Variants in GRID2 observed in about 807,000 individuals in gnomAD.
GRID2 encodes the protein glutamate ionotropic receptor delta type subunit 2.
Under a neutral mutation model 114.8 loss-of-function variants are expected in GRID2, and 33 were observed. The ratio of observed to expected loss-of-function variants is 0.29; its 90% CI spans 0.22 to 0.38. The LOEUF (loss-of-function observed/expected upper bound fraction) is 0.38. Ranked by LOEUF, GRID2 falls within the 10% of genes least tolerant of loss-of-function variation. GRID2 has a pLI of 1.00. For synonymous variants in GRID2, 505 were observed against 449.9 expected (o/e 1.12, Z -1.55); for missense variants, 1,184 against 1,257.7 (o/e 0.94, Z 0.89).
chr4:93,223,242 A>G (rs1579337741), intron 6 of GRID2, among the ~76,000 whole-genome samples: 1 of 152,196 alleles, frequency 6.6e-6, no homozygotes, highest in Non-Finnish European at 1.5e-5. Flanking sequence ...TGGGATAGGG[A>G]GTGAAAATAG....
intron 2 of GRID2, among the ~76,000 whole-genome samples, chr4:92,913,847 ATT>A (rs1301338528): frequency 6.6e-6 from 1 of 152,054 alleles, no homozygotes; most frequent in Non-Finnish European, 1.5e-5. Flanking sequence ...ATAAAAGGAA[ATT>A]CCTCTTCCCT....
In GRID2 at chr4:92,874,555, A is replaced by G. The variant is rs114805660; in HGVS notation, c.245-210440A>G. 2.8e-3 allele frequency among the ~76,000 whole-genome samples: 433 copies of G among 152,314 alleles called. 2 individuals are homozygous for G. Among genetic ancestry groups the G allele is most frequent in the African/African-American group, 9.9e-3 (413 of 41,574 alleles). Reference sequence around the variant, plus strand: ...ATTTTAAACATCCAAAGAGTACTCAATTATTTTCCTACTTTCCATTACTTT... The same window carrying G: ...ATTTTAAACATCCAAAGAGTACTCAGTTATTTTCCTACTTTCCATTACTTT... On this transcript the variant is annotated intron_variant, in intron 2 of 15. Coordinates refer to ENST00000282020, the MANE Select transcript of GRID2 (RefSeq NM_001510.4).
chr4:92,874,794 G>C (rs1056973994), intron 2 of GRID2, among the ~76,000 whole-genome samples: 3 of 152,176 alleles, frequency 2.0e-5, no homozygotes, highest in Admixed American at 6.5e-5. Flanking sequence ...TGTCAATTAA[G>C]TTACAGTGGT....
intron 13 of GRID2, among the ~76,000 whole-genome samples, chr4:93,557,205 A>T (rs1334847649): frequency 6.6e-6 from 1 of 152,218 alleles, no homozygotes. Context: ...GTAACCAGCT[A>T]GCATCATAAT....
intron 4 of GRID2, among the ~76,000 whole-genome samples, chr4:93,119,694 A>G (rs536994357): frequency 6.6e-6 from 1 of 152,318 alleles, no homozygotes; most frequent in African/African-American, 2.4e-5. Context: ...CATTGAAAAA[A>G]AGAACTTTGA....
chr4:92,788,739 TATTG>T (rs1450098457), intron 2 of GRID2, among the ~76,000 whole-genome samples: 1 of 151,912 alleles, frequency 6.6e-6, no homozygotes, highest in Non-Finnish European at 1.5e-5. Flanking sequence ...TATCTTAAGA[TATTG>T]ATTTTAAATA....
At position 92,794,989 on chromosome 4, in the gene GRID2, G is replaced by A. The variant is rs191211569; in HGVS notation, c.244+204703G>A. Among the ~76,000 whole-genome samples, 17 of 145,842 alleles carry A rather than the reference G, an allele frequency of 1.2e-4. No individual in the cohort carries two copies. The East Asian group carries it at 3.5e-3, about 30-fold the overall frequency. The stretch of plus-strand genomic sequence containing the variant: ...GAGAACATTATTAAGAAAATCATAA[G>A]GAAGAGAAAATATATTCACTATTAA... On this transcript the variant is annotated intron_variant, in intron 2 of 15. Transcript: ENST00000282020.
chr4:92,685,296 A>T (rs933321873), intron 2 of GRID2, among the ~76,000 whole-genome samples: 6 of 152,070 alleles, frequency 3.9e-5, no homozygotes, highest in Non-Finnish European at 8.8e-5. Flanking sequence ...GATAGTCTTG[A>T]TGCTCTTAGG....
At chr4:93,359,770 G>A (rs1269774025) in intron 8 of GRID2, among the ~76,000 whole-genome samples, 1 of 129,918 alleles carries the variant, frequency 7.7e-6, no homozygotes, top group South Asian at 2.7e-4. Context: ...ATCATGGATA[G>A]CGCTACTGTT....
chr4:93,550,359 C>G (rs1733641888), intron 13 of GRID2, among the ~76,000 whole-genome samples: 2 of 152,130 alleles, frequency 1.3e-5, no homozygotes, highest in Admixed American at 6.6e-5. Flanking sequence ...AAGGGAGAGA[C>G]TATAAAAGTA....
At chr4:93,634,482 A>C (rs1298942759) in intron 14 of GRID2, among the ~76,000 whole-genome samples, 2 of 152,202 alleles carry the variant, frequency 1.3e-5, no homozygotes, top group Non-Finnish European at 2.9e-5. Context: ...GATATGTTTC[A>C]TATAATGCTT....
At chr4:92,653,312 C>G (rs1368985305) in intron 2 of GRID2, among the ~76,000 whole-genome samples, 1 of 146,106 alleles carries the variant, frequency 6.8e-6, no homozygotes, top group Non-Finnish European at 1.5e-5. Context: ...ATTACACACA[C>G]ACACACACAT....
intron 1 of GRID2, among the ~76,000 whole-genome samples, chr4:92,376,014 T>C (rs969872445): frequency 1.3e-5 from 2 of 152,160 alleles, no homozygotes; most frequent in Non-Finnish European, 2.9e-5. Context: ...TGTTTCTCCA[T>C]AAAAGAATTT....
intron 2 of GRID2, among the ~76,000 whole-genome samples, chr4:92,914,391 T>C (rs1748626543): frequency 1.3e-5 from 2 of 152,166 alleles, no homozygotes; most frequent in African/African-American, 4.8e-5. Context: ...TCTTCAAATA[T>C]TATTTCTCTA....
intron 2 of GRID2, among the ~76,000 whole-genome samples, chr4:92,891,308 A>G (rs1264816353): frequency 2.0e-5 from 3 of 152,220 alleles, no homozygotes; most frequent in Non-Finnish European, 4.4e-5. Context: ...ATTAATTTTC[A>G]GTTTTAAAAA....
At chr4:92,541,169 G>A (rs544418554) in intron 1 of GRID2, among the ~76,000 whole-genome samples, 1 of 152,198 alleles carries the variant, frequency 6.6e-6, no homozygotes, top group African/African-American at 2.4e-5. Flanking sequence ...GGGAGGGATA[G>A]CATTAGTAGA....
chr4:92,718,740 G>A (rs1246658109), intron 2 of GRID2, among the ~76,000 whole-genome samples: 2 of 112,918 alleles, frequency 1.8e-5, no homozygotes, highest in Non-Finnish European at 3.3e-5. Context: ...TTCAGCCTAG[G>A]CAACAGAGTA....
intron 1 of GRID2, among the ~76,000 whole-genome samples, chr4:92,497,394 G>T (rs1263939160): frequency 6.6e-6 from 1 of 151,750 alleles, no homozygotes; most frequent in Non-Finnish European, 1.5e-5. Flanking sequence ...CTGAAAGAAG[G>T]TCTGTGAAAC....
chr4:93,678,708 T>G (rs1370693698), intron 14 of GRID2, among the ~76,000 whole-genome samples: 3 of 151,310 alleles, frequency 2.0e-5, no homozygotes, highest in Admixed American at 6.6e-5. Context: ...AATAAAATAC[T>G]TTACAGACAA....
Sources: allele counts gnomAD v4.1 joint callset (sites outside exome capture counted in the v4.1 genomes callset), GRCh38; gene constraint gnomAD v4.1.1; transcripts MANE v1.5; gene names NCBI Gene and HGNC (gene_info 2026-07-23, HGNC 2026-07-21).